SPATA7: variants seen among roughly 807,000 people sequenced by gnomAD.
The protein encoded by SPATA7 is spermatogenesis-associated protein 7.
A neutral mutation model predicts 51.8 loss-of-function variants in SPATA7; 43 were observed. The ratio of observed to expected loss-of-function variants is 0.83; its 90% CI spans 0.65 to 1.07. The LOEUF (loss-of-function observed/expected upper bound fraction) is 1.07. SPATA7 is among the 50% of genes least tolerant of loss of function. The pLI, the probability that SPATA7 is intolerant of heterozygous loss-of-function variation, is 0.00. For synonymous variants in SPATA7, 230 were observed against 252.8 expected (o/e 0.91, Z 0.86); for missense variants, 683 against 701.3 (o/e 0.97, Z 0.30).
Position 88,420,294 on chromosome 14 carries a change from T to C in SPATA7, c.372+3450T>C, listed in dbSNP as rs1293779289. 2.6e-5 allele frequency among the ~76,000 whole-genome samples: 4 copies of C among 152,186 alleles called. No individual in the cohort carries two copies. In the East Asian group the frequency reaches 7.7e-4, roughly 29 times the overall value. ...GCACATCACTAGTCCACACTCAGTCTTTAGGAAATTAACAAATATTTATAA... is the reference window on the plus strand; with the variant it reads ...GCACATCACTAGTCCACACTCAGTCCTTAGGAAATTAACAAATATTTATAA... On this transcript the variant is annotated intron_variant, in intron 5 of 11. Coordinates refer to ENST00000393545, the MANE Select transcript of SPATA7 (RefSeq NM_018418.5).
chr14:88,456,337 C>T (rs1262523055), downstream of SPATA7, among the ~76,000 whole-genome samples: 2 of 152,100 alleles, frequency 1.3e-5, no homozygotes, highest in African/African-American at 4.8e-5. Context: ...TACAGTCCCA[C>T]CAACAGTGTA....
At chr14:88,431,280 A>G in intron 9 of SPATA7, 55 bp downstream of exon 9, 2 of 1,486,732 alleles carry the variant, frequency 1.3e-6, no homozygotes, top group East Asian at 4.5e-5. Context: ...ATTAAGAATC[A>G]AAGAAACCAT....
chr14:88,441,972 A>G (rs1178891865), downstream of SPATA7, among the ~76,000 whole-genome samples: 1 of 152,130 alleles, frequency 6.6e-6, no homozygotes, highest in East Asian at 1.9e-4. Flanking sequence ...TTATAGTTTC[A>G]GGTCTTAGAT....
chr14:88,385,995 C>T, intron 1 of SPATA7, 158 bp downstream of exon 1: 1 of 1,496,648 alleles, frequency 6.7e-7, no homozygotes, highest in South Asian at 1.2e-5. Flanking sequence ...CAGGCCTGCG[C>T]AAAGGAAGAG....
At chr14:88,402,959 CAAAAAAAAAA>C (rs56330042) in intron 4 of SPATA7, among the ~76,000 whole-genome samples, 3 of 62,030 alleles carry the variant, frequency 4.8e-5, no homozygotes, top group Non-Finnish European at 9.3e-5. Flanking sequence ...AACTCAATAG[CAAAAAAAAAA>C]AAAAAAAAAA....
At position 88,451,233 on chromosome 14, in the gene SPATA7, A is replaced by T. The variant is rs536376673; in HGVS notation, c.178-3827A>T. On this transcript the variant is annotated intron_variant, in intron 3 of 3. Transcript: ENST00000554802. Reference sequence around the variant, plus strand: ...CGCCCAGGCTGGACTGGAATGGCGCAATCTTGGCTACCTGCAACCTCTGCC... The same window carrying T: ...CGCCCAGGCTGGACTGGAATGGCGCTATCTTGGCTACCTGCAACCTCTGCC... Among the ~76,000 whole-genome samples the T allele has an allele frequency of 6.6e-5, 10 of 152,232 alleles. No homozygotes were observed. In the South Asian group the frequency reaches 1.9e-3, roughly 28 times the overall value.
chr14:88,456,156 T>C (rs1273654326), downstream of SPATA7, among the ~76,000 whole-genome samples: 3 of 152,192 alleles, frequency 2.0e-5, no homozygotes, highest in Admixed American at 6.5e-5. Context: ...TCCAAGTCTT[T>C]GCTATTATGA....
rs1252976974 is a variant in SPATA7 at position 88,460,409 on chromosome 14, C to T, written c.255-9438C>T. On this transcript the variant is annotated intron_variant, in intron 4 of 4. Coordinates refer to the SPATA7 transcript ENST00000556406. ...ATTTCTTGGAGGCTTTGTTCATTTC[C>T]TTTTACTCTTTTTTCTCTAAACTTC... 1.2e-3 allele frequency among the ~76,000 whole-genome samples: 181 copies of T among 152,014 alleles called. 1 individual carries two copies. Among genetic ancestry groups the T allele is most frequent in the African/African-American group, 4.1e-3 (171 of 41,430 alleles).
exon 5 of SPATA7, chr14:88,470,113 T>A: frequency 6.5e-7 from 1 of 1,527,076 alleles, no homozygotes. Context: ...TATGTATGCA[T>A]GCATTCATGG....
In SPATA7 at chr14:88,408,401, GCTGT is replaced by G. The variant is rs763361357; in HGVS notation, c.239-8301_239-8298del. ...TGAATGGGAGTTCACTCATGATTTG[GCTGT>G]CTGTCTGTTGTTGGTGTATAGAAAT... On this transcript the variant is annotated intron_variant, in intron 4 of 11. Transcript: ENST00000393545. Among the ~76,000 whole-genome samples the G allele has an allele frequency of 9.3e-4, 141 of 151,834 alleles. No individual in the cohort carries two copies. In the Middle Eastern group the frequency reaches 0.01, roughly 11 times the overall value.
At chr14:88,464,716 C>T (rs976857117) in intron 4 of SPATA7, among the ~76,000 whole-genome samples, 12 of 151,854 alleles carry the variant, frequency 7.9e-5, no homozygotes, top group Non-Finnish European at 1.3e-4. Context: ...GGTGACAGAA[C>T]GAAACTCCGT....
chr14:88,449,525 G>C (rs935559945), intron 3 of SPATA7, among the ~76,000 whole-genome samples: 3 of 152,172 alleles, frequency 2.0e-5, no homozygotes, highest in Non-Finnish European at 4.4e-5. Context: ...AATGTTTCAT[G>C]TGCTGATTAA....
chr14:88,447,056 G>A lies in SPATA7; in HGVS notation c.178-8004G>A, dbSNP rs1277845571. On this transcript the variant is annotated intron_variant, in intron 3 of 3. Transcript: ENST00000554802. ...GGTATCCTTGTTGACTTTCTGTCTC[G>A]TTGATGTGTCTAATGTTGACAGTGG... Among the ~76,000 whole-genome samples the A allele has an allele frequency of 4.5e-4, 68 of 151,998 alleles. 1 individual carries two copies. The highest frequency in any genetic ancestry group is 1.2e-3 in the African/African-American group (51 of 41,442).
intron 4 of SPATA7, among the ~76,000 whole-genome samples, chr14:88,460,781 C>A (rs933771505): frequency 1.1e-4 from 17 of 152,268 alleles, no homozygotes; most frequent in South Asian, 4.1e-4. Context: ...GGGGGAGAGG[C>A]GCTCTGATTT....
intron 5 of SPATA7, among the ~76,000 whole-genome samples, chr14:88,417,623 A>G (rs897298728): frequency 2.0e-5 from 3 of 152,182 alleles, no homozygotes; most frequent in Admixed American, 2.0e-4. Context: ...TAATCTGTTA[A>G]TGTAATGAAT....
chr14:88,400,661 C>T (rs534523015), intron 4 of SPATA7, among the ~76,000 whole-genome samples: 4 of 151,958 alleles, frequency 2.6e-5, no homozygotes, highest in Non-Finnish European at 5.9e-5. Flanking sequence ...GGTGAAACCC[C>T]GACTCTACTA....
At position 88,469,859 on chromosome 14, in the gene SPATA7, G is replaced by C; in HGVS notation, c.268G>C (p.Asp90His). 1 of 1,609,544 alleles carries C rather than the reference G, an allele frequency of 6.2e-7. No individual in the cohort carries two copies. Among genetic ancestry groups the C allele is most frequent in the Non-Finnish European group, 8.5e-7 (1 of 1,176,194 alleles). Residue 90 changes from aspartate (D) to histidine (H), a missense_variant, in exon 5 of 5, where the codon GAT becomes CAT. Physicochemically the swap from Asp to His is moderately conservative, Grantham distance 81. Transcript: ENST00000556406. This position sits in a 1 kb window ranked among gnomAD's most constrained non-coding sequence, Gnocchi z 4.3. ...TTTTTCTCCACAGGTCAGGATTCCA[G>C]ATGATTAACATTAACTGTTCTTCAG...
intron 4 of SPATA7, among the ~76,000 whole-genome samples, chr14:88,400,862 A>T (rs964096991): frequency 6.6e-6 from 1 of 152,094 alleles, no homozygotes; most frequent in Non-Finnish European, 1.5e-5. Context: ...AATTAAAAAA[A>T]ACTTCCCAAC....
rs115543844 is a variant in SPATA7 at position 88,404,951 on chromosome 14, A to G, written c.238+8748A>G. ...TACATTGTAGTTGGAGAAGACAAAC[A>G]ATAAGCAAATACAAATAAATAAAGA... is the stretch of plus-strand genomic sequence containing the variant. On this transcript the variant is annotated intron_variant, in intron 4 of 11. Coordinates refer to ENST00000393545, the MANE Select transcript of SPATA7 (RefSeq NM_018418.5). Among the ~76,000 whole-genome samples the G allele has an allele frequency of 2.1e-3, 321 of 152,316 alleles. 4 individuals are homozygous for G. Among genetic ancestry groups the G allele is most frequent in the African/African-American group, 7.3e-3 (303 of 41,578 alleles).
Sources: gnomAD v4.1 joint callset for allele counts (sites outside exome capture counted in the v4.1 genomes callset) on GRCh38, gnomAD v4.1.1 for gene constraint, Gnocchi (gnomAD v3.1) non-coding constraint, MANE v1.5 for transcripts, NCBI Gene and HGNC (gene_info 2026-07-23, HGNC 2026-07-21) for gene names.